Variants in PDCD10 observed in about 807,000 individuals in gnomAD.
PDCD10 encodes the protein programmed cell death protein 10.
Under a neutral mutation model 29.2 loss-of-function variants are expected in PDCD10, and 4 were observed. That is an observed-to-expected ratio of 0.14 (90% CI 0.07 to 0.31). The LOEUF (loss-of-function observed/expected upper bound fraction) is 0.31, where lower values mean the gene tolerates loss of function less well. Ranked by LOEUF, PDCD10 falls within the 10% of genes least tolerant of loss-of-function variation. PDCD10 has a pLI of 1.00. For missense variants in PDCD10, 183 were observed against 257.9 expected, an observed-to-expected ratio of 0.71 and a Z score of 1.99; for synonymous variants, 70 against 82.2, an observed-to-expected ratio of 0.85 and a Z score of 0.80.
intron 4 of PDCD10, among the ~76,000 whole-genome samples, chr3:167,701,693 G>T (rs967551085): frequency 2.6e-5 from 4 of 152,060 alleles, no homozygotes; most frequent in African/African-American, 7.2e-5. Flanking sequence ...GGCCTCTATG[G>T]AAATGGCTGT....
intron 2 of PDCD10, among the ~76,000 whole-genome samples, chr3:167,729,804 T>G (rs1167271388): frequency 3.3e-5 from 5 of 152,188 alleles, no homozygotes; most frequent in Admixed American, 6.5e-5. Context: ...TCTGGTAAAC[T>G]TATTCCCAAG....
intron 8 of PDCD10, 37 bp from the exon 9 acceptor site, chr3:167,684,426 C>CA (rs754866182): frequency 3.3e-6 from 4 of 1,211,496 alleles, no homozygotes; most frequent in East Asian, 2.4e-5. Context: ...TAATTTCATC[C>CA]AAAAAATTCA....
intron 3 of PDCD10, among the ~76,000 whole-genome samples, chr3:167,711,734 C>A (rs1252448336): frequency 6.6e-6 from 1 of 151,870 alleles, no homozygotes; most frequent in East Asian, 1.9e-4. Context: ...ATCAACCCCC[C>A]AAAGGTCAAG....
intron 3 of PDCD10, among the ~76,000 whole-genome samples, chr3:167,718,670 C>G (rs374415427): frequency 6.6e-6 from 1 of 151,424 alleles, no homozygotes; most frequent in Non-Finnish European, 1.5e-5. Flanking sequence ...CAGCTAGATG[C>G]GGGACCCCAC....
chr3:167,684,313 C>A lies in PDCD10; in HGVS notation c.634G>T (p.Ala212Ser), dbSNP rs374587061. The change falls in exon 9 of 9, where the codon GCC (alanine) becomes TCC (serine). Residue 212 changes from alanine (A) to serine (S), a missense_variant. Ala to Ser is a moderately conservative substitution (Grantham distance 99). Coordinates refer to ENST00000392750, the MANE Select transcript of PDCD10 (RefSeq NM_007217.4). The stretch of plus-strand genomic sequence containing the variant: ...TCTCTTAACATATACAACTTTCAGG[C>A]CACAGTTTTGAAGGTCTGAAGTATT... Reference protein sequence around the residue: ...NLILQTFKTVA With the variant: ...NLILQTFKTVS 7.0e-6 allele frequency: 11 copies of A among 1,580,884 alleles called. No homozygotes were observed. The African/African-American group carries it at 9.4e-5, about 14-fold the overall frequency.
At chr3:167,717,549 A>ATAGT (rs10635950) in intron 3 of PDCD10, among the ~76,000 whole-genome samples, 43,568 of 151,708 alleles carry the variant, frequency 0.29, 6,832 homozygotes, top group African/African-American at 0.43. Flanking sequence ...TAGGTAAACT[A>ATAGT]TAAACACTAA....
chr3:167,722,861 T>C (rs1723727216), intron 2 of PDCD10, among the ~76,000 whole-genome samples: 1 of 152,238 alleles, frequency 6.6e-6, no homozygotes, highest in Admixed American at 6.5e-5. Context: ...TTTTACCTTT[T>C]GTAAATACTG....
At chr3:167,709,998 C>G (rs1043937313) in intron 3 of PDCD10, among the ~76,000 whole-genome samples, 1 of 152,166 alleles carries the variant, frequency 6.6e-6, no homozygotes, top group Non-Finnish European at 1.5e-5. Context: ...ATGGAGCTCA[C>G]TGCCCTGAAG....
chr3:167,709,384 G>T (rs545284371), intron 3 of PDCD10, among the ~76,000 whole-genome samples: 2 of 152,040 alleles, frequency 1.3e-5, no homozygotes, highest in Non-Finnish European at 2.9e-5. Flanking sequence ...CCCCCATCCC[G>T]CAATAGCAGC....
At chr3:167,692,893 G>C (rs1720408600) in intron 6 of PDCD10, among the ~76,000 whole-genome samples, 1 of 152,230 alleles carries the variant, frequency 6.6e-6, no homozygotes, top group African/African-American at 2.4e-5. Context: ...ACTCCAGCCT[G>C]GGCGACAGAG....
rs1163672698 is a variant in PDCD10 at position 167,725,761 on chromosome 3, GTTTA to G, written c.-116-5492_-116-5489del. Among the ~76,000 whole-genome samples, 17 of 54,718 alleles carry G rather than the reference GTTTA, an allele frequency of 3.1e-4. 1 individual carries two copies. In the East Asian group the frequency reaches 7.3e-3, roughly 23 times the overall value. 35.9% of individuals were successfully genotyped at this position (54,718 alleles called of 152,430 possible). ...GTATATAGCACTTTACCATTGTATCGTTTATATATATATATATATATATATATAT... is the reference window on the plus strand; with the variant it reads ...GTATATAGCACTTTACCATTGTATCGTATATATATATATATATATATATAT... On this transcript the variant is annotated intron_variant, in intron 2 of 8. Coordinates refer to ENST00000392750, the MANE Select transcript of PDCD10 (RefSeq NM_007217.4).
At chr3:167,724,790 C>A (rs1260949894) in intron 2 of PDCD10, among the ~76,000 whole-genome samples, 2 of 152,154 alleles carry the variant, frequency 1.3e-5, no homozygotes, top group Non-Finnish European at 2.9e-5. Flanking sequence ...ATCAGCTATA[C>A]TTTCCAAAGT....
Position 167,684,004 on chromosome 3 carries a change from A to G in PDCD10, c.*304T>C. On this transcript the variant is annotated 3_prime_UTR_variant, in exon 9 of 9. Coordinates refer to ENST00000392750, the MANE Select transcript of PDCD10 (RefSeq NM_007217.4). The stretch of plus-strand genomic sequence containing the variant: ...CTTTCAAGTTAAAATGTCAGAAACA[A>G]ACACCAATATTTACAATTCTTTTAA... 3.6e-6 allele frequency: 1 copy of G among 275,496 alleles called. No individual in the cohort carries two copies. The highest frequency in any genetic ancestry group is 7.1e-6 in the Non-Finnish European group (1 of 140,142). 17.1% of individuals were successfully genotyped at this position (275,496 alleles called of 1,614,324 possible). A position where few individuals can be genotyped will look rare whatever the true frequency, so the allele number is the denominator to read the frequency against.
Position 167,687,315 on chromosome 3 carries a change from G to T in PDCD10, c.476C>A (p.Ala159Glu). The change falls in exon 8 of 9, where the codon GCA becomes GAA. Residue 159 changes from alanine (A) to glutamate (E), a missense_variant and splice_region_variant. Coordinates refer to ENST00000392750, the MANE Select transcript of PDCD10 (RefSeq NM_007217.4). ...AAATTCTTTCTTTTGGTGTTCAAGT[G>T]CCTACAGTCACAAAATATAATAAGA... The part of the protein sequence containing the change: ...FKKYQYQNRR[A>E]LEHQKKEFVK... 6.5e-7 allele frequency: 1 copy of T among 1,542,200 alleles called. No individual in the cohort carries two copies. Among genetic ancestry groups the T allele is most frequent in the Non-Finnish European group, 9.0e-7 (1 of 1,115,350 alleles).
chr3:167,725,234 G>A (rs1577372926), intron 2 of PDCD10, among the ~76,000 whole-genome samples: 1 of 138,590 alleles, frequency 7.2e-6, no homozygotes, highest in South Asian at 2.2e-4. Flanking sequence ...TCCAGCCTGG[G>A]CAACAGAGCG....
chr3:167,722,685 A>G (rs1723701427), intron 2 of PDCD10, among the ~76,000 whole-genome samples: 1 of 152,158 alleles, frequency 6.6e-6, no homozygotes, highest in East Asian at 1.9e-4. Context: ...AAGTAAGCAC[A>G]ATGGAATTAC....
chr3:167,687,709 T>C lies in PDCD10; in HGVS notation c.396-16A>G, dbSNP rs1577318406. 1 of 1,351,736 alleles carries C rather than the reference T, an allele frequency of 7.4e-7. No individual in the cohort carries two copies. Among genetic ancestry groups the C allele is most frequent in the East Asian group, 2.3e-5 (1 of 43,616 alleles). The allele number at this position is 1,351,736 out of a possible 1,614,324, so 83.7% of individuals were successfully genotyped here. Reference sequence around the variant, plus strand: ...AGCTATATCCCTGTTGGGAAAAGAATAAAGAATATCAGCTACATTTGAAAG... The same window carrying C: ...AGCTATATCCCTGTTGGGAAAAGAACAAAGAATATCAGCTACATTTGAAAG... On this transcript the variant is annotated splice_polypyrimidine_tract_variant and intron_variant, in intron 6 of 8. Transcript: ENST00000392750.
At chr3:167,715,424 A>G (rs899120590) in intron 3 of PDCD10, among the ~76,000 whole-genome samples, 4 of 151,886 alleles carry the variant, frequency 2.6e-5, no homozygotes, top group African/African-American at 9.7e-5. Flanking sequence ...TAGCACATCA[A>G]GTTAAAAAGC....
chr3:167,695,318 T>C (rs1720687901), intron 6 of PDCD10, among the ~76,000 whole-genome samples: 2 of 152,262 alleles, frequency 1.3e-5, no homozygotes, highest in Admixed American at 6.5e-5. Flanking sequence ...AGTTTCTCTA[T>C]TCATTTATCT....
Sources: allele counts gnomAD v4.1 joint callset (sites outside exome capture counted in the v4.1 genomes callset), GRCh38; gene constraint gnomAD v4.1.1; transcripts MANE v1.5; gene names NCBI Gene and HGNC (gene_info 2026-07-23, HGNC 2026-07-21).